Variants in UGT1A10 observed in about 807,000 individuals in gnomAD.
UGT1A10 encodes the protein UDP-glucuronosyltransferase 1A10.
Under a neutral mutation model 45.8 loss-of-function variants are expected in UGT1A10, and 49 were observed. The observed-to-expected ratio is 1.07, with a 90% CI of 0.85 to 1.36. The LOEUF is 1.36. Among genes scored for constraint, UGT1A10 ranks in the 40% most tolerant of loss-of-function variants. UGT1A10 has a pLI of 0.00. For missense variants in UGT1A10, 745 were observed against 668.6 expected, an observed-to-expected ratio of 1.11 and a Z score of -1.26; for synonymous variants, 284 against 249.7, an observed-to-expected ratio of 1.14 and a Z score of -1.29.
chr2:233,737,994 C>T (rs1435641802), intron 1 of UGT1A10, among the ~76,000 whole-genome samples: 1 of 151,970 alleles, frequency 6.6e-6, no homozygotes. Flanking sequence ...CTCTGTGTCC[C>T]CCACCAAATC....
chr2:233,772,775 T>C lies in UGT1A10; in HGVS notation c.*216T>C, dbSNP rs1450071408. On this transcript the variant is annotated 3_prime_UTR_variant, in exon 5 of 5. Transcript: ENST00000344644. ...AATATGTATCGTGCCCCCTCTGGTG[T>C]CTTTGATCAGGATGACATGTGCCAT... 2 of 1,313,948 alleles carry C rather than the reference T, an allele frequency of 1.5e-6. No homozygotes were observed. Among genetic ancestry groups the C allele is most frequent in the East Asian group, 2.7e-5 (1 of 37,564 alleles). 81.4% of individuals were successfully genotyped at this position (1,313,948 alleles called of 1,614,324 possible).
In UGT1A10 at chr2:233,769,723, C is replaced by G. The variant is rs1318643454; in HGVS notation, c.1295+1284C>G. On this transcript the variant is annotated intron_variant, in intron 4 of 4. Coordinates refer to ENST00000344644, the MANE Select transcript of UGT1A10 (RefSeq NM_019075.4). This position sits in a 1 kb window ranked among gnomAD's most constrained non-coding sequence, Gnocchi z 4.4. ...GATCAATGTTGGCTAGGCACCATGG[C>G]ACACGCCTGTAGTCCCAGCCACTCT... The G allele has an allele frequency of 3.1e-5, 46 of 1,484,642 alleles. No individual in the cohort carries two copies. The Middle Eastern group carries it at 1.2e-3, about 39-fold the overall frequency. 92.0% of individuals were successfully genotyped at this position (1,484,642 alleles called of 1,614,324 possible).
At position 233,769,432 on chromosome 2, in the gene UGT1A10, C is replaced by T; in HGVS notation, c.1295+993C>T. On this transcript the variant is annotated intron_variant, in intron 4 of 4. Transcript: ENST00000344644. The surrounding 1 kb of genome is among the most constrained non-coding windows in gnomAD (Gnocchi z 4.4). Reference sequence around the variant, plus strand: ...GTGCGTTTGTGCATGTGGCTGTGCTCATGTGTGGGTGCACACGTGTGCATT... The same window carrying T: ...GTGCGTTTGTGCATGTGGCTGTGCTTATGTGTGGGTGCACACGTGTGCATT... 2 of 1,545,990 alleles carry T rather than the reference C, an allele frequency of 1.3e-6. No homozygotes were observed. The highest frequency in any genetic ancestry group is 1.8e-6 in the Non-Finnish European group (2 of 1,125,632).
At chr2:233,652,447 G>T (rs184654803) in intron 1 of UGT1A10, among the ~76,000 whole-genome samples, 147 of 152,026 alleles carry the variant, frequency 9.7e-4, no homozygotes, top group African/African-American at 3.5e-3. Flanking sequence ...GGAAATGCTG[G>T]AGATATCATT....
chr2:233,754,469 T>C (rs1695491558), intron 1 of UGT1A10: 1 of 357,106 alleles, frequency 2.8e-6, no homozygotes, highest in Non-Finnish European at 5.5e-6. Flanking sequence ...GTTCTGAAAG[T>C]AAAGTTCACT....
At chr2:233,704,344 G>A (rs192964510) in intron 1 of UGT1A10, among the ~76,000 whole-genome samples, 3 of 135,994 alleles carry the variant, frequency 2.2e-5, no homozygotes, top group Non-Finnish European at 4.6e-5. Context: ...TTAAAAAGTT[G>A]TGTTCTGAGC....
chr2:233,663,035 C>T (rs984611136), intron 1 of UGT1A10, among the ~76,000 whole-genome samples: 2 of 152,084 alleles, frequency 1.3e-5, no homozygotes, highest in Non-Finnish European at 2.9e-5. Context: ...GTTCAGTATC[C>T]AGTGTATTCA....
intron 1 of UGT1A10, chr2:233,761,175 A>G (rs1340390077): frequency 1.2e-6 from 2 of 1,614,094 alleles, no homozygotes; most frequent in African/African-American, 2.7e-5. Flanking sequence ...TGGGACTTTT[A>G]CATGCGTATA....
In UGT1A10 at chr2:233,711,078, C is replaced by T. The variant is rs76665810; in HGVS notation, c.856-55956C>T. Among the ~76,000 whole-genome samples the T allele has an allele frequency of 9.6e-3, 1,463 of 152,316 alleles. 33 individuals are homozygous for T. Among genetic ancestry groups the T allele is most frequent in the African/African-American group, 0.033 (1,369 of 41,568 alleles). ...CTTCAATCACCACTTATGCTGATGG[C>T]TCCAAGTCTATCTGTGCAGCCCAGA... On this transcript the variant is annotated intron_variant, in intron 1 of 4. Transcript: ENST00000344644.
chr2:233,687,481 T>C (rs2125537172), intron 1 of UGT1A10, among the ~76,000 whole-genome samples: 1 of 151,588 alleles, frequency 6.6e-6, no homozygotes. Flanking sequence ...GCAGACCTAT[T>C]TTTCAGATGA....
Position 233,636,558 on chromosome 2 carries a change from ATG to A in UGT1A10, c.44_45del (p.Cys15SerfsTer39). On this transcript the variant is annotated frameshift_variant, in exon 1 of 5. Coordinates refer to ENST00000344644, the MANE Select transcript of UGT1A10 (RefSeq NM_019075.4). LOFTEE classifies it high-confidence loss of function. ...RAGWTSPVPLCVCLLLTCGFA... is the reference protein window; with the variant it reads ...RAGWTSPVPLXVCLLLTCGFA... ...CAGGGTGGACCAGCCCCGTTCCTTT[ATG>A]TGTGTGTCTACTGCTGACCTGTGGC... 1 of 1,613,894 alleles carries A rather than the reference ATG, an allele frequency of 6.2e-7. No individual in the cohort carries two copies. Among genetic ancestry groups the A allele is most frequent in the South Asian group, 1.1e-5 (1 of 91,068 alleles).
chr2:233,713,049 C>T (rs373053318), intron 1 of UGT1A10: 18 of 1,614,092 alleles, frequency 1.1e-5, no homozygotes, highest in Middle Eastern at 3.4e-4. Flanking sequence ...GCTGCTTCTC[C>T]TCAGTGTCCA....
intron 1 of UGT1A10, among the ~76,000 whole-genome samples, chr2:233,655,913 T>C (rs1004609177): frequency 2.0e-5 from 3 of 152,188 alleles, no homozygotes; most frequent in Non-Finnish European, 4.4e-5. Context: ...CTTTTACACC[T>C]CTGATCACTG....
In UGT1A10 at chr2:233,729,997, T is replaced by G; in HGVS notation, c.856-37037T>G. On this transcript the variant is annotated intron_variant, in intron 1 of 4. Transcript: ENST00000344644. ...CAACAGGAAGCCACTATCTCAGGTC[T>G]GTATTGGTGCCTTCATCCAATCAAT... is the stretch of plus-strand genomic sequence containing the variant. 3 of 1,614,024 alleles carry G rather than the reference T, an allele frequency of 1.9e-6. No individual in the cohort carries two copies. The South Asian group carries it at 3.3e-5, about 18-fold the overall frequency.
Position 233,768,305 on chromosome 2 carries a change from G to A in UGT1A10, c.1161G>A (p.Met387Ile), listed in dbSNP as rs1559415443. The A allele has an allele frequency of 1.2e-6, 2 of 1,614,084 alleles. No homozygotes were observed. Among genetic ancestry groups the A allele is most frequent in the Admixed American group, 1.7e-5 (1 of 59,988 alleles). ...TATGCAATGGCGTTCCCATGGTGAT[G>A]ATGCCCTTGTTTGGTGATCAGATGG... is the stretch of plus-strand genomic sequence containing the variant. ...ESICNGVPMV[M>I]MPLFGDQMDN... The change falls in exon 4 of 5, where the codon ATG becomes ATA. Residue 387 changes from methionine to isoleucine, a missense_variant. By Grantham distance (10) the Met-to-Ile change is conservative. Transcript: ENST00000344644.
chr2:233,724,020 T>A (rs1486209215), intron 1 of UGT1A10, among the ~76,000 whole-genome samples: 1 of 67,562 alleles, frequency 1.5e-5, no homozygotes. Context: ...ATTGTCATCC[T>A]GGCCCGTTCT....
intron 1 of UGT1A10, among the ~76,000 whole-genome samples, chr2:233,692,500 C>A (rs1041698214): frequency 6.6e-6 from 1 of 152,058 alleles, no homozygotes; most frequent in African/African-American, 2.4e-5. Context: ...AGGACTGAGC[C>A]CTTAACCTGT....
chr2:233,754,442 A>C (rs1695486969), intron 1 of UGT1A10: 2 of 350,172 alleles, frequency 5.7e-6, no homozygotes, highest in African/African-American at 4.3e-5. Flanking sequence ...AGTGTTTATA[A>C]ATTCTTGGGT....
intron 1 of UGT1A10, among the ~76,000 whole-genome samples, chr2:233,697,022 T>C (rs964900890): frequency 1.3e-5 from 2 of 152,140 alleles, no homozygotes; most frequent in Non-Finnish European, 2.9e-5. Flanking sequence ...GTCAGAGATA[T>C]GGGCCCGCAG....
Sources: gnomAD v4.1 joint callset for allele counts (sites outside exome capture counted in the v4.1 genomes callset) on GRCh38, gnomAD v4.1.1 for gene constraint, Gnocchi (gnomAD v3.1) non-coding constraint, MANE v1.5 for transcripts, NCBI Gene and HGNC (gene_info 2026-07-23, HGNC 2026-07-21) for gene names.